Variants in PCDHA9 observed in about 807,000 individuals in gnomAD.
The protein encoded by PCDHA9 is protocadherin alpha 9, also known as protocadherin alpha-9.
In PCDHA9, 62 loss-of-function variants were observed where a neutral mutation model predicts 62.0. The ratio of observed to expected loss-of-function variants is 1.00; its 90% confidence interval spans 0.81 to 1.23. The LOEUF is 1.23. Ranked by LOEUF, PCDHA9 falls within the 50% of genes most tolerant of loss-of-function variation. The probability of loss-of-function intolerance (pLI) is 0.00; values close to 1 mark genes in which losing one functional copy is unlikely to be tolerated. For missense variants in PCDHA9, 1,205 were observed against 1,249.8 expected (o/e 0.96, Z 0.54); for synonymous variants, 557 against 567.6 (o/e 0.98, Z 0.27).
intron 1 of PCDHA9, among the ~76,000 whole-genome samples, chr5:140,972,660 A>ATT (rs11350929): frequency 4.2e-4 from 49 of 117,232 alleles, no homozygotes; most frequent in Non-Finnish European, 5.7e-4. Context: ...AAGAAACCAA[A>ATT]TTTTTTTTTT....
intron 1 of PCDHA9, chr5:140,882,358 G>A: frequency 1.9e-6 from 3 of 1,614,232 alleles, no homozygotes; most frequent in Non-Finnish European, 2.5e-6. Context: ...GTAGTGGCCA[G>A]CTCCACTACT....
At chr5:140,893,818 G>A (rs184696543) in intron 1 of PCDHA9, among the ~76,000 whole-genome samples, 14 of 152,114 alleles carry the variant, frequency 9.2e-5, no homozygotes, top group Admixed American at 3.3e-4. Context: ...GTCTGGTACC[G>A]TAGACTACTC....
chr5:140,881,480 TTG>T, intron 1 of PCDHA9: 2 of 445,316 alleles, frequency 4.5e-6, no homozygotes, highest in Non-Finnish European at 5.9e-6. Context: ...GGCTAAATTA[TTG>T]TGTTTATGCA....
At chr5:140,856,951 A>G in intron 1 of PCDHA9, 2 of 1,593,156 alleles carry the variant, frequency 1.3e-6, no homozygotes, top group Non-Finnish European at 1.7e-6. Context: ...CGGGAGAAAT[A>G]AAAGTAAATG....
intron 1 of PCDHA9, among the ~76,000 whole-genome samples, chr5:140,898,461 G>T (rs1393934497): frequency 4.6e-5 from 7 of 152,102 alleles, no homozygotes; most frequent in Non-Finnish European, 8.8e-5. Flanking sequence ...TTTCCCCATT[G>T]CTTGTTTTTC....
At chr5:140,962,676 G>C (rs1201696145) in intron 1 of PCDHA9, among the ~76,000 whole-genome samples, 1 of 152,126 alleles carries the variant, frequency 6.6e-6, no homozygotes, top group Non-Finnish European at 1.5e-5. Context: ...CCATCCACTG[G>C]ATGTTTTATC....
chr5:140,966,454 C>A (rs897696652), intron 1 of PCDHA9: 2 of 426,524 alleles, frequency 4.7e-6, no homozygotes, highest in Non-Finnish European at 8.1e-6. Flanking sequence ...TCCCCCTCCC[C>A]CTCTGTCTTC....
intron 1 of PCDHA9, chr5:140,863,693 C>T: frequency 3.3e-6 from 1 of 301,562 alleles, no homozygotes; most frequent in African/African-American, 2.2e-5. Flanking sequence ...TTTTGAGATG[C>T]TTTATTTAAA....
chr5:140,882,423 T>C (rs1554174072), intron 1 of PCDHA9: 2 of 1,614,052 alleles, frequency 1.2e-6, no homozygotes, highest in African/African-American at 2.7e-5. Context: ...GCTCAGGACC[T>C]GGGGCTGGAG....
At chr5:140,884,388 T>C in intron 1 of PCDHA9, 1 of 1,613,960 alleles carries the variant, frequency 6.2e-7, no homozygotes, top group Non-Finnish European at 8.5e-7. Flanking sequence ...ATCTGCGCGG[T>C]GTCCAGCCTG....
intron 1 of PCDHA9, chr5:140,882,816 A>G (rs2059323174): frequency 1.9e-6 from 3 of 1,614,266 alleles, no homozygotes; most frequent in Non-Finnish European, 1.7e-6. Flanking sequence ...TTGGACGCAC[A>G]AAACAGTCTT....
intron 1 of PCDHA9, chr5:140,966,920 C>A: frequency 6.2e-7 from 1 of 1,602,672 alleles, no homozygotes; most frequent in South Asian, 1.1e-5. Flanking sequence ...GCCAGAGGAG[C>A]AGGCACCCGG....
At chr5:140,966,798 C>T in intron 1 of PCDHA9, 1 of 1,537,636 alleles carries the variant, frequency 6.5e-7, no homozygotes, top group Non-Finnish European at 8.7e-7. Context: ...CCTGCGGCGA[C>T]AGAGCATCCA....
At chr5:140,866,149 T>A (rs1554160036) in intron 1 of PCDHA9, 2 of 152,248 alleles carry the variant, frequency 1.3e-5, no homozygotes, top group Non-Finnish European at 2.9e-5. Context: ...GGAAGTGATA[T>A]AAGTAAGAAT....
intron 1 of PCDHA9, among the ~76,000 whole-genome samples, chr5:140,891,204 C>T (rs2153433269): frequency 6.6e-6 from 1 of 152,078 alleles, no homozygotes; most frequent in South Asian, 2.1e-4. Flanking sequence ...GCAGTTTTAC[C>T]ATGCTGTGTC....
At chr5:140,858,726 C>T (rs115774489) in intron 1 of PCDHA9, 5,491 of 481,664 alleles carry the variant, frequency 0.011, 341 homozygotes, top group Non-Finnish European at 0.014. Flanking sequence ...GCAGTTCTGA[C>T]GATTTACTTT....
intron 3 of PCDHA9, among the ~76,000 whole-genome samples, chr5:140,990,137 G>C (rs548002411): frequency 2.0e-4 from 31 of 152,224 alleles, no homozygotes; most frequent in African/African-American, 7.2e-4. Context: ...TCAGACTCAA[G>C]AGGCATAATA....
chr5:140,870,825 C>T, intron 1 of PCDHA9: 1 of 1,613,726 alleles, frequency 6.2e-7, no homozygotes, highest in Non-Finnish European at 8.5e-7. Flanking sequence ...GCGCGGGAGG[C>T]GCAGTTAACA....
At chr5:140,981,824 C>T (rs1350256595) in intron 2 of PCDHA9, among the ~76,000 whole-genome samples, 4 of 152,108 alleles carry the variant, frequency 2.6e-5, no homozygotes, top group African/African-American at 7.2e-5. Flanking sequence ...CTCTGCTTGC[C>T]TCTAAAGGTC....
Sources: allele counts gnomAD v4.1 joint callset (sites outside exome capture counted in the v4.1 genomes callset), GRCh38; gene constraint gnomAD v4.1.1; transcripts MANE v1.5; gene names NCBI Gene and HGNC (gene_info 2026-07-23, HGNC 2026-07-21).